The following CRTAC1 variants were observed in gnomAD, a reference collection of about 807,000 sequenced individuals.
CRTAC1 encodes the protein cartilage acidic protein 1.
In CRTAC1, 37 loss-of-function variants were observed where a neutral mutation model predicts 67.8. The ratio of observed to expected loss-of-function variants is 0.55; its 90% CI spans 0.42 to 0.72. The LOEUF is 0.72. CRTAC1 is among the 30% of genes least tolerant of loss of function. The pLI is 0.00. For synonymous variants in CRTAC1, 348 were observed against 371.0 expected (o/e 0.94, Z 0.71); for missense variants, 780 against 931.6 (o/e 0.84, Z 2.12).
At chr10:97,957,918 G>T (rs2051466686) in intron 2 of CRTAC1, among the ~76,000 whole-genome samples, 1 of 152,092 alleles carries the variant, frequency 6.6e-6, no homozygotes. Flanking sequence ...TATGTGACAT[G>T]GCTTTGAATT....
At position 97,904,760 on chromosome 10, in the gene CRTAC1, C is replaced by A. The variant is rs149424033; in HGVS notation, c.905G>T (p.Arg302Leu). The change falls in exon 7 of 15, where the codon CGT (arginine) becomes CTT (leucine). Residue 302 changes from arginine (R) to leucine (L), a missense_variant. By Grantham distance (102) the Arg-to-Leu change is moderately radical (BLOSUM62 -2). Coordinates refer to ENST00000370597, the MANE Select transcript of CRTAC1 (RefSeq NM_018058.7). ...GRGVALADFN[R>L]DGKVDIVYGN... Reference sequence around the variant, plus strand: ...ATAGACGATGTCCACTTTGCCATCACGGTTGAAGTCAGCCAGGGCGACACC... The same window carrying A: ...ATAGACGATGTCCACTTTGCCATCAAGGTTGAAGTCAGCCAGGGCGACACC... The A allele has an allele frequency of 1.2e-6, 2 of 1,606,840 alleles. No homozygotes were observed. Among genetic ancestry groups the A allele is most frequent in the East Asian group, 4.5e-5 (2 of 44,426 alleles).
chr10:98,019,246 C>T (rs1017347057), intron 1 of CRTAC1, among the ~76,000 whole-genome samples: 1 of 152,172 alleles, frequency 6.6e-6, no homozygotes, highest in African/African-American at 2.4e-5. Context: ...GCCTGTCCTT[C>T]CCTATCTACA....
At chr10:97,965,116 C>G (rs1210665192) in intron 2 of CRTAC1, among the ~76,000 whole-genome samples, 1 of 152,198 alleles carries the variant, frequency 6.6e-6, no homozygotes, top group Non-Finnish European at 1.5e-5. Context: ...TGCTGGGTGT[C>G]AGAGCTGAGA....
chr10:97,988,043 T>A (rs1243224202), intron 2 of CRTAC1, among the ~76,000 whole-genome samples: 2 of 152,168 alleles, frequency 1.3e-5, no homozygotes, highest in Admixed American at 6.5e-5. Flanking sequence ...TGGAGAAAGA[T>A]GCTCTGAAAT....
At chr10:97,983,745 C>A (rs1291436234) in intron 2 of CRTAC1, among the ~76,000 whole-genome samples, 1 of 152,234 alleles carries the variant, frequency 6.6e-6, no homozygotes, top group African/African-American at 2.4e-5. Context: ...ATCTATTCCT[C>A]TGGCCTATGT....
chr10:97,915,629 G>T (rs1292148704), intron 5 of CRTAC1, among the ~76,000 whole-genome samples: 1 of 152,122 alleles, frequency 6.6e-6, no homozygotes, highest in Non-Finnish European at 1.5e-5. Flanking sequence ...GGGGCTCGGG[G>T]GTGGGGGACA....
Position 97,901,604 on chromosome 10 carries a change from A to T in CRTAC1, c.1032T>A (p.Pro344=). ...AGTCGGCGGTGATGACCGTGCGGAC[A>T]GGGGAGGGCATGGAGAACTTGGGTG... is the stretch of plus-strand genomic sequence containing the variant. ...IASPKFSMPS[P]VRTVITADFD... is the part of the protein sequence containing the mutation. Residue 344 remains proline, a synonymous_variant, in exon 8 of 15, where the codon CCT becomes CCA. Transcript: ENST00000370597. 3 of 1,614,162 alleles carry T rather than the reference A, an allele frequency of 1.9e-6. No homozygotes were observed. The highest frequency in any genetic ancestry group is 1.1e-5 in the South Asian group (1 of 91,080).
intron 14 of CRTAC1, chr10:97,878,487 G>T: frequency 1.4e-6 from 1 of 721,962 alleles, no homozygotes; most frequent in Non-Finnish European, 1.9e-6. Context: ...AAGGGTTGCT[G>T]CATTCTTAAG....
chr10:98,023,863 C>T (rs1462340036), intron 1 of CRTAC1, among the ~76,000 whole-genome samples: 3 of 152,216 alleles, frequency 2.0e-5, no homozygotes, highest in African/African-American at 7.2e-5. Flanking sequence ...TCCTACCTCC[C>T]ATCCTGAGCA....
chr10:97,906,675 G>A (rs150230647), intron 6 of CRTAC1, among the ~76,000 whole-genome samples: 3 of 152,312 alleles, frequency 2.0e-5, no homozygotes, highest in African/African-American at 4.8e-5. Context: ...TGAGCCAGGT[G>A]GGAGGACAGG....
intron 2 of CRTAC1, among the ~76,000 whole-genome samples, chr10:97,974,337 T>C (rs762981190): frequency 1.3e-5 from 2 of 152,116 alleles, no homozygotes; most frequent in Non-Finnish European, 2.9e-5. Flanking sequence ...ACTCACTTTG[T>C]TGTACATTTT....
rs748339766 is a variant in CRTAC1, at chr10:97,904,798, G to T, written c.867C>A (p.His289Gln). ...CCAGGGCGACACCTCGCCCATGCTG[G>T]TGGGGGTCGTCCACACCTGGGGAGG... is the stretch of plus-strand genomic sequence containing the variant. ...AAASAGVDDP[H>Q]QHGRGVALAD... The change falls in exon 7 of 15, where the codon CAC becomes CAA. Residue 289 changes from histidine (H) to glutamine (Q), a missense_variant. His to Gln is a conservative substitution (Grantham distance 24). Transcript: ENST00000370597. 3.1e-6 allele frequency: 5 copies of T among 1,600,068 alleles called. No individual in the cohort carries two copies. In the Admixed American group the frequency reaches 8.8e-5, roughly 28 times the overall value.
rs138519325 is a variant in CRTAC1 at position 97,988,863 on chromosome 10, C to T, written c.224+22275G>A. ...GTTTCATGTGTCAATTTGAGTAGGC[C>T]ACAGGTGCCCAGATTAATCATTGTT... On this transcript the variant is annotated intron_variant, in intron 2 of 14. Coordinates refer to ENST00000370597, the MANE Select transcript of CRTAC1 (RefSeq NM_018058.7). Among the ~76,000 whole-genome samples, 460 of 152,280 alleles carry T rather than the reference C, an allele frequency of 3.0e-3. 1 individual carries two copies. Among genetic ancestry groups the T allele is most frequent in the Admixed American group, 4.9e-3 (75 of 15,294 alleles).
chr10:97,930,840 A>G (rs1268534748), intron 3 of CRTAC1, among the ~76,000 whole-genome samples: 1 of 152,158 alleles, frequency 6.6e-6, no homozygotes, highest in Non-Finnish European at 1.5e-5. Context: ...TATGACACAG[A>G]GCCCAAAAAA....
At position 97,982,135 on chromosome 10, in the gene CRTAC1, A is replaced by G. The variant is rs535153270; in HGVS notation, c.224+29003T>C. Among the ~76,000 whole-genome samples the G allele has an allele frequency of 4.6e-5, 7 of 152,266 alleles. No individual in the cohort carries two copies. The East Asian group carries it at 1.4e-3, about 29-fold the overall frequency. The stretch of plus-strand genomic sequence containing the variant: ...CCATAATCCTATTCTTTCATACCTT[A>G]TCTGATTTCATAAAAGCTTCTGACT... On this transcript the variant is annotated intron_variant, in intron 2 of 14. Transcript: ENST00000370597.
chr10:97,992,550 C>T (rs1408112873), intron 2 of CRTAC1, among the ~76,000 whole-genome samples: 1 of 152,092 alleles, frequency 6.6e-6, no homozygotes, highest in Non-Finnish European at 1.5e-5. Context: ...ACCTAAGTGT[C>T]AATCAATGGA....
chr10:97,909,613 A>G (rs2050661070), intron 5 of CRTAC1, among the ~76,000 whole-genome samples: 1 of 152,214 alleles, frequency 6.6e-6, no homozygotes. Flanking sequence ...TGGGAATGTA[A>G]ATGAGTACAG....
At chr10:97,909,297 C>T (rs1386806989) in intron 5 of CRTAC1, among the ~76,000 whole-genome samples, 1 of 152,100 alleles carries the variant, frequency 6.6e-6, no homozygotes, top group Non-Finnish European at 1.5e-5. Flanking sequence ...AAAGCCTTCC[C>T]TCAGCCACGC....
At chr10:97,915,211 G>A (rs953789442) in intron 5 of CRTAC1, among the ~76,000 whole-genome samples, 2 of 152,192 alleles carry the variant, frequency 1.3e-5, no homozygotes, top group Non-Finnish European at 2.9e-5. Context: ...CTCCTGTCTT[G>A]CAGGCTGGTA....
Sources: gnomAD v4.1 joint callset for allele counts (sites outside exome capture counted in the v4.1 genomes callset) on GRCh38, gnomAD v4.1.1 for gene constraint, MANE v1.5 for transcripts, NCBI Gene and HGNC (gene_info 2026-07-23, HGNC 2026-07-21) for gene names.